ITGA2: variants seen among roughly 807,000 people sequenced by gnomAD.
ITGA2 encodes the protein integrin alpha-2.
A neutral mutation model predicts 146.3 loss-of-function variants in ITGA2; 101 were observed. The ratio of observed to expected loss-of-function variants is 0.69; its 90% CI spans 0.59 to 0.81. The LOEUF (loss-of-function observed/expected upper bound fraction) is 0.81, where lower values mean the gene tolerates loss of function less well. ITGA2 is among the 40% of genes least tolerant of loss of function. The pLI, the probability that ITGA2 is intolerant of heterozygous loss-of-function variation, is 0.00. For synonymous variants in ITGA2, 477 were observed against 487.1 expected, an observed-to-expected ratio of 0.98 and a Z score of 0.27; for missense variants, 1,281 against 1,402.7, an observed-to-expected ratio of 0.91 and a Z score of 1.39.
chr5:53,057,909 A>AGT (rs1319508000), intron 9 of ITGA2, 116 bp from the exon 10 acceptor site: 1 of 742,298 alleles, frequency 1.3e-6, no homozygotes, highest in East Asian at 2.6e-5. Flanking sequence ...GTATTGGAAC[A>AGT]GTGTGTGTTT....
At chr5:53,084,455 C>T (rs961949132) in intron 27 of ITGA2, among the ~76,000 whole-genome samples, 1 of 152,096 alleles carries the variant, frequency 6.6e-6, no homozygotes, top group African/African-American at 2.4e-5. Flanking sequence ...AAACTCATCC[C>T]TGGAGTCAAA....
chr5:53,046,003 C>T (rs1744063315), intron 4 of ITGA2, among the ~76,000 whole-genome samples: 1 of 151,446 alleles, frequency 6.6e-6, no homozygotes, highest in African/African-American at 2.4e-5. Flanking sequence ...CCAGCCTGGC[C>T]AACATGGTGA....
rs1012189498 is a variant in ITGA2, at chr5:53,094,070, C to T, written c.*3471C>T. The T allele has an allele frequency of 2.0e-5, 3 of 152,500 alleles. No homozygotes were observed. The highest frequency in any genetic ancestry group is 4.4e-5 in the Non-Finnish European group (3 of 67,994). The allele number at this position is 152,500 out of a possible 1,614,324, so 9.4% of individuals were successfully genotyped here. A position where few individuals can be genotyped will look rare whatever the true frequency, so the allele number is the denominator to read the frequency against. On this transcript the variant is annotated 3_prime_UTR_variant, in exon 30 of 30. Transcript: ENST00000296585. ...TAATTTTATAATGTATTTACCTGTC[C>T]TGATATATAGCTATAACCCAATATA...
At chr5:53,084,022 T>A (rs1438114138) in intron 27 of ITGA2, among the ~76,000 whole-genome samples, 5 of 152,142 alleles carry the variant, frequency 3.3e-5, no homozygotes, top group Non-Finnish European at 7.3e-5. Context: ...ATCATCTCAA[T>A]CCCCATGAAA....
Position 53,061,663 on chromosome 5 carries a change from T to C in ITGA2, c.1458+617T>C, listed in dbSNP as rs916140716. 2.0e-5 allele frequency among the ~76,000 whole-genome samples: 3 copies of C among 151,942 alleles called. No homozygotes were observed. In the South Asian group the frequency reaches 6.2e-4, roughly 31 times the overall value. On this transcript the variant is annotated intron_variant, in intron 12 of 29. Transcript: ENST00000296585. ...TATGGCCCACTACAGCAAAGATCTG[T>C]TGCTAGAGCAAAGGCCAGCTGATTG... is the stretch of plus-strand genomic sequence containing the variant.
chr5:53,071,833 T>C (rs1745410934), intron 17 of ITGA2, 105 bp from the exon 18 acceptor site: 2 of 786,964 alleles, frequency 2.5e-6, no homozygotes, highest in African/African-American at 1.7e-5. Context: ...CTGACTGTGC[T>C]CTAAATTGTA....
chr5:53,090,696 T>A lies in ITGA2; in HGVS notation c.*97T>A. The A allele has an allele frequency of 1.0e-6, 1 of 956,838 alleles. No homozygotes were observed. The highest frequency in any genetic ancestry group is 1.6e-6 in the Non-Finnish European group (1 of 612,560). 59.3% of individuals were successfully genotyped at this position (956,838 alleles called of 1,614,324 possible). Reference sequence around the variant, plus strand: ...CTTTTTAAATCCCATATTTTTTTTATCATGTCGTAGGTAAACTAACCTGGT... The same window carrying A: ...CTTTTTAAATCCCATATTTTTTTTAACATGTCGTAGGTAAACTAACCTGGT... On this transcript the variant is annotated 3_prime_UTR_variant, in exon 30 of 30. Coordinates refer to ENST00000296585, the MANE Select transcript of ITGA2 (RefSeq NM_002203.4).
intron 1 of ITGA2, among the ~76,000 whole-genome samples, chr5:53,000,773 T>C (rs1226250366): frequency 1.3e-5 from 2 of 152,268 alleles, no homozygotes; most frequent in Non-Finnish European, 2.9e-5. Context: ...TGTTGCTTTC[T>C]TTCCCCTGGT....
rs761870213 is a variant in ITGA2 at position 53,067,181 on chromosome 5, C to T, written c.2007C>T (p.Val669=). 1 of 1,611,552 alleles carries T rather than the reference C, an allele frequency of 6.2e-7. No homozygotes were observed. The highest frequency in any genetic ancestry group is 8.5e-7 in the Non-Finnish European group (1 of 1,178,730). ...ASFTPEKITL[V]NKNAQIILKL... is the part of the protein sequence containing the mutation. The stretch of plus-strand genomic sequence containing the variant: ...TCACACCAGAAAAAATCACTTTGGT[C>T]AACAAGAATGCTCAGATAATTCTCA... The change falls in exon 16 of 30, where the codon GTC becomes GTT. Residue 669 remains valine, a synonymous_variant. Coordinates refer to ENST00000296585, the MANE Select transcript of ITGA2 (RefSeq NM_002203.4).
chr5:52,996,368 C>A (rs1489492622), intron 1 of ITGA2, among the ~76,000 whole-genome samples: 1 of 152,026 alleles, frequency 6.6e-6, no homozygotes, highest in Non-Finnish European at 1.5e-5. Flanking sequence ...AGGATATTAT[C>A]AGAGAGAAAG....
At position 53,049,007 on chromosome 5, in the gene ITGA2, C is replaced by T. The variant is rs2974978; in HGVS notation, c.630+237C>T. ...TGACACAAGCATTAAAGGTATGGGACATAACTTTTTTTTTTTTTTTTAAGA... is the reference window on the plus strand; with the variant it reads ...TGACACAAGCATTAAAGGTATGGGATATAACTTTTTTTTTTTTTTTTAAGA... On this transcript the variant is annotated intron_variant, in intron 6 of 29. Transcript: ENST00000296585. Among the ~76,000 whole-genome samples, 72,143 of 151,092 alleles carry T rather than the reference C, an allele frequency of 0.48. 17,232 individuals are homozygous for T. Among genetic ancestry groups the T allele is most frequent in the Middle Eastern group, 0.51 (150 of 292 alleles).
At chr5:53,067,536 C>T (rs1324653121) in intron 16 of ITGA2, among the ~76,000 whole-genome samples, 1 of 151,802 alleles carries the variant, frequency 6.6e-6, no homozygotes, top group Non-Finnish European at 1.5e-5. Flanking sequence ...TTTCTCTTAC[C>T]TCCATTTCTC....
chr5:53,082,104 C>T lies in ITGA2; in HGVS notation c.3144+408C>T, dbSNP rs561084205. ...CCTTAAATCCCCCTTCCACATAATA[C>T]TGATGTTTTTTATTTAGCTGTGAAA... On this transcript the variant is annotated intron_variant, in intron 26 of 29. Transcript: ENST00000296585. 2.2e-4 allele frequency among the ~76,000 whole-genome samples: 34 copies of T among 152,318 alleles called. 1 individual carries two copies. Among genetic ancestry groups the T allele is most frequent in the African/African-American group, 7.5e-4 (31 of 41,580 alleles).
rs2111996463 is a variant in ITGA2 at position 53,072,045 on chromosome 5, C to T, written c.2343C>T (p.Phe781=). The change falls in exon 18 of 30, where the codon TTC becomes TTT. Residue 781 remains phenylalanine (F), a synonymous_variant. Coordinates refer to ENST00000296585, the MANE Select transcript of ITGA2 (RefSeq NM_002203.4). The part of the protein sequence containing the change: ...LEAYSETAKV[F]SIPFHKDCGE... The stretch of plus-strand genomic sequence containing the variant: ...CCTATTCTGAGACTGCCAAGGTCTT[C>T]AGTGTAAGTGCAGCTTACACTTCCT... 6.2e-7 allele frequency: 1 copy of T among 1,602,544 alleles called. No homozygotes were observed. Among genetic ancestry groups the T allele is most frequent in the South Asian group, 1.1e-5 (1 of 90,804 alleles).
chr5:53,047,999 C>T (rs1744170913), intron 4 of ITGA2, among the ~76,000 whole-genome samples: 1 of 152,156 alleles, frequency 6.6e-6, no homozygotes, highest in Non-Finnish European at 1.5e-5. Flanking sequence ...TCACCTGAGG[C>T]CCAGGTAAAT....
chr5:53,036,627 C>T (rs957485651), intron 2 of ITGA2, among the ~76,000 whole-genome samples: 6 of 152,194 alleles, frequency 3.9e-5, no homozygotes, highest in African/African-American at 1.4e-4. Context: ...GCTCTCCACC[C>T]CACACTCCTA....
At chr5:52,994,191 C>T (rs1579768139) in intron 1 of ITGA2, among the ~76,000 whole-genome samples, 1 of 152,122 alleles carries the variant, frequency 6.6e-6, no homozygotes, top group East Asian at 1.9e-4. Context: ...GTGTGTTAGG[C>T]TCAAGGTGGA....
At chr5:53,005,689 C>CA (rs1159228940) in intron 1 of ITGA2, among the ~76,000 whole-genome samples, 7 of 150,968 alleles carry the variant, frequency 4.6e-5, no homozygotes, top group Non-Finnish European at 5.9e-5. Context: ...ATCGTAAAAA[C>CA]AAAAAAAATC....
intron 10 of ITGA2, 122 bp from the exon 11 acceptor site, chr5:53,059,752 T>G (rs1744814191): frequency 2.2e-6 from 2 of 924,528 alleles, no homozygotes; most frequent in Non-Finnish European, 3.4e-6. Context: ...TCAATATATG[T>G]TCATATATAT....
Sources: gnomAD v4.1 joint callset for allele counts (sites outside exome capture counted in the v4.1 genomes callset) on GRCh38, gnomAD v4.1.1 for gene constraint, MANE v1.5 for transcripts, NCBI Gene and HGNC (gene_info 2026-07-23, HGNC 2026-07-21) for gene names.